TTN: variants seen among roughly 807,000 people sequenced by gnomAD.
The protein encoded by TTN is connectin.
In TTN, 1,525 loss-of-function variants were observed where a neutral mutation model predicts 3,223.0. That is an observed-to-expected ratio of 0.47 (90% CI 0.45 to 0.49). The LOEUF is 0.49. Among genes scored for constraint, TTN ranks in the 20% least tolerant of loss-of-function variants. TTN has a pLI of 0.00. For missense variants in TTN, 40,786 were observed against 43,424.0 expected, an observed-to-expected ratio of 0.94 and a Z score of 5.40; for synonymous variants, 14,094 against 15,161.0, an observed-to-expected ratio of 0.93 and a Z score of 5.17.
Position 178,543,799 on chromosome 2 carries a change from C to T in TTN, c.96310+35G>A, listed in dbSNP as rs759804421. The T allele has an allele frequency of 6.2e-6, 10 of 1,607,170 alleles. No homozygotes were observed. In the African/African-American group the frequency reaches 6.7e-5, roughly 11 times the overall value. ...AAGCTATATTGTTTTAGAGGATCTA[C>T]TCATTGTATAGCCAATTTTAAGTAA... On this transcript the variant is annotated intron_variant, in intron 346 of 362. Transcript: ENST00000589042.
At position 178,566,962 on chromosome 2, in the gene TTN, T is replaced by C. The variant is rs1333622117; in HGVS notation, c.79170A>G (p.Pro26390=). 1.9e-6 allele frequency: 3 copies of C among 1,613,530 alleles called. No homozygotes were observed. Among genetic ancestry groups the C allele is most frequent in the African/African-American group, 2.7e-5 (2 of 74,906 alleles). The part of the protein sequence containing the change: ...MKNPFVLPGP[P]KSLEVTNIAK... The stretch of plus-strand genomic sequence containing the variant: ...CAATATTTGTGACTTCCAAGCTTTT[T>C]GGTGGTCCAGGAAGCACAAATGGAT... The change falls in exon 326 of 363, where the codon CCA becomes CCG. Residue 26390 remains proline (P), a synonymous_variant. Transcript: ENST00000589042.
chr2:178,704,113 T>C, intron 106 of TTN, 34 bp downstream of exon 106: 1 of 1,607,116 alleles, frequency 6.2e-7, no homozygotes. Context: ...TGACCTATGC[T>C]GTACCCACAA....
At chr2:178,781,093 T>A in intron 21 of TTN, 28 bp downstream of exon 21, 1 of 1,613,662 alleles carries the variant, frequency 6.2e-7, no homozygotes, top group African/African-American at 1.3e-5. Context: ...GTTCTTATCA[T>A]GCACATAGAA....
rs373533040 is a variant in TTN, at chr2:178,564,189, C to A, written c.81943G>T (p.Glu27315Ter). 6.2e-7 allele frequency: 1 copy of A among 1,613,668 alleles called. No individual in the cohort carries two copies. The highest frequency in any genetic ancestry group is 8.5e-7 in the Non-Finnish European group (1 of 1,179,752). ...PDVVWSKDGK[E>*]LEETAARMEI... ...ATTCTAGCAGCTGTTTCTTCAAGTTCTTTTCCATCTTTTGACCAAACAACA... is the reference window on the plus strand; with the variant it reads ...ATTCTAGCAGCTGTTTCTTCAAGTTATTTTCCATCTTTTGACCAAACAACA... The change falls in exon 326 of 363, where the codon GAA becomes TAA. Residue 27315 changes from glutamate to a stop codon, truncating the protein, a stop_gained. Coordinates refer to ENST00000589042, the MANE Select transcript of TTN (RefSeq NM_001267550.2). LOFTEE classifies it high-confidence loss of function.
chr2:178,794,428 C>T lies in TTN; in HGVS notation c.1369G>A (p.Ala457Thr). 6.2e-7 allele frequency: 1 copy of T among 1,614,196 alleles called. No homozygotes were observed. The highest frequency in any genetic ancestry group is 8.5e-7 in the Non-Finnish European group (1 of 1,180,018). ...TCTTGAGCAGGTTGGATGTGCACAG[C>T]AGTCGTGGTTGTCCTCTGAGCAGTC... ...EQTAQRTTTTAVHIQPAQEQV... is the reference protein window; with the variant it reads ...EQTAQRTTTTTVHIQPAQEQV... Residue 457 changes from alanine (A) to threonine (T), a missense_variant, in exon 8 of 363, where the codon GCT becomes ACT. By Grantham distance (58) the Ala-to-Thr change is moderately conservative (BLOSUM62 0). Transcript: ENST00000589042.
rs776510990 is a variant in TTN at position 178,554,228 on chromosome 2, G to C, written c.88895-12C>G. On this transcript the variant is annotated splice_polypyrimidine_tract_variant and intron_variant, in intron 332 of 362. Transcript: ENST00000589042. Reference sequence around the variant, plus strand: ...TGGCCCAGGTGTAACTATTTAGAAAGGAAGGGAAAACAAGGTACAAGAATC... The same window carrying C: ...TGGCCCAGGTGTAACTATTTAGAAACGAAGGGAAAACAAGGTACAAGAATC... 1.9e-6 allele frequency: 3 copies of C among 1,564,660 alleles called. No individual in the cohort carries two copies. In the African/African-American group the frequency reaches 4.1e-5, roughly 22 times the overall value.
chr2:178,619,220 T>C, intron 250 of TTN: 2 of 356,650 alleles, frequency 5.6e-6, no homozygotes, highest in South Asian at 6.6e-5. Flanking sequence ...GAATGAGAGG[T>C]ACACTAATGG....
At chr2:178,556,005 G>C (rs1342723758) in intron 330 of TTN, 2 of 152,272 alleles carry the variant, frequency 1.3e-5, no homozygotes, top group Admixed American at 1.3e-4. Flanking sequence ...TAACGGGGAA[G>C]TTACAAAAGC....
chr2:178,618,545 G>C, intron 251 of TTN, 39 bp downstream of exon 251: 7 of 1,607,512 alleles, frequency 4.4e-6, no homozygotes, highest in Non-Finnish European at 5.9e-6. Flanking sequence ...CTTTTAAATT[G>C]TGCTTTGCCA....
At chr2:178,580,823 T>C (rs930791322) in intron 316 of TTN, 9 of 545,420 alleles carry the variant, frequency 1.7e-5, no homozygotes, top group South Asian at 1.3e-4. Context: ...AACCAGGTTT[T>C]CCCCCCGGAG....
rs200831060 is a variant in TTN, at chr2:178,695,958, C to G, written c.31114G>C (p.Glu10372Gln). Residue 10372 changes from glutamate (E) to glutamine (Q), a missense_variant, in exon 114 of 363, where the codon GAA becomes CAA. Physicochemically the swap from Glu to Gln is conservative, Grantham distance 29 (BLOSUM62 2). Transcript: ENST00000589042. ...EDFEEGQEYY[E>Q]REEGYDEGEE... ...CCTTCGTCATAGCCTTCTTCCCTTT[C>G]ATAGTATTCTTGCCCTTCTTCAAAA... 256 of 1,535,220 alleles carry G rather than the reference C, an allele frequency of 1.7e-4. No homozygotes were observed. Among genetic ancestry groups the G allele is most frequent in the Non-Finnish European group, 2.0e-4 (230 of 1,140,490 alleles).
intron 301 of TTN, 21 bp downstream of exon 301, chr2:178,592,358 C>A (rs774994468): frequency 6.2e-7 from 1 of 1,606,480 alleles, no homozygotes; most frequent in Non-Finnish European, 8.5e-7. Context: ...TTTTTAATGG[C>A]CTAAGTAGTA....
At position 178,719,996 on chromosome 2, in the gene TTN, G is replaced by C. The variant is rs961213476; in HGVS notation, c.23646C>G (p.Val7882=). 1.9e-6 allele frequency: 3 copies of C among 1,609,460 alleles called. No individual in the cohort carries two copies. The highest frequency in any genetic ancestry group is 1.7e-4 in the Middle Eastern group (1 of 6,042). ...TTTGCTACTAACCTAGTACAGTCAA[G>C]ACTGCAGAGCATTCTCTCATTCCAG... ...NDAGMRECSA[V]LTVLEPARII... Residue 7882 remains valine (V), a synonymous_variant, in exon 81 of 363, where the codon GTC becomes GTG. Coordinates refer to ENST00000589042, the MANE Select transcript of TTN (RefSeq NM_001267550.2).
intron 136 of TTN, 36 bp from the exon 137 acceptor site, chr2:178,681,486 G>C (rs774929695): frequency 2.6e-5 from 41 of 1,566,004 alleles, no homozygotes; most frequent in Non-Finnish European, 3.4e-5. Context: ...TTTAAAAATT[G>C]AAACAGGTTT....
At position 178,689,388 on chromosome 2, in the gene TTN, T is replaced by C. The variant is rs752524612; in HGVS notation, c.31928-15A>G. The C allele has an allele frequency of 1.1e-5, 18 of 1,613,148 alleles. No individual in the cohort carries two copies. In the East Asian group the frequency reaches 1.6e-4, roughly 14 times the overall value. Reference sequence around the variant, plus strand: ...TATTTCTGGCACTTAAAGGATAGTATTGAATTTTAAAATTTGTCAAAAAGG... The same window carrying C: ...TATTTCTGGCACTTAAAGGATAGTACTGAATTTTAAAATTTGTCAAAAAGG... On this transcript the variant is annotated splice_polypyrimidine_tract_variant and intron_variant, in intron 123 of 362. Transcript: ENST00000589042.
intron 38 of TTN, 100 bp from the exon 39 acceptor site, chr2:178,768,255 G>A: frequency 7.4e-7 from 1 of 1,348,506 alleles, no homozygotes; most frequent in Admixed American, 1.9e-5. Context: ...ACAATTCAAT[G>A]AATTTCCATG....
At position 178,611,072 on chromosome 2, in the gene TTN, A is replaced by G; in HGVS notation, c.51057T>C (p.Arg17019=). Residue 17019 remains arginine (R), a synonymous_variant, in exon 270 of 363, where the codon CGT becomes CGC. Transcript: ENST00000589042. ...TAATGGTATAAATTCCGGCATCTGC[A>G]CGGACACTCTTGGGAACTTCAAGGT... The part of the protein sequence containing the change: ...SAHLEVPKSV[R]ADAGIYTITL... 1.2e-6 allele frequency: 2 copies of G among 1,612,864 alleles called. No individual in the cohort carries two copies. The highest frequency in any genetic ancestry group is 2.2e-5 in the South Asian group (2 of 91,044).
chr2:178,669,336 TGAAAC>T, intron 159 of TTN, 32 bp downstream of exon 159: 1 of 1,478,512 alleles, frequency 6.8e-7, no homozygotes, highest in Non-Finnish European at 9.0e-7. Context: ...AGGACATAAA[TGAAAC>T]GAAAAAGAAC....
chr2:178,545,729 A>G (rs1163209599), intron 343 of TTN, 36 bp from the exon 344 acceptor site: 1 of 1,602,502 alleles, frequency 6.2e-7, no homozygotes, highest in Non-Finnish European at 8.5e-7. Context: ...GAATTGCACA[A>G]AATTACTATT....
Sources: allele counts gnomAD v4.1 joint callset, GRCh38; gene constraint gnomAD v4.1.1; transcripts MANE v1.5; gene names NCBI Gene and HGNC (gene_info 2026-07-23, HGNC 2026-07-21).